Variants in TCF12 observed in about 807,000 individuals in gnomAD.
TCF12 encodes transcription factor 12.
Under a neutral mutation model 86.0 loss-of-function variants are expected in TCF12, and 45 were observed. The observed-to-expected ratio is 0.52, with a 90% CI of 0.41 to 0.67. The LOEUF (loss-of-function observed/expected upper bound fraction) is 0.67, where lower values mean the gene tolerates loss of function less well. TCF12 is among the 30% of genes least tolerant of loss of function. TCF12 has a pLI of 0.00. For synonymous variants in TCF12, 330 were observed against 299.6 expected (o/e 1.10, Z -1.05); for missense variants, 881 against 859.9 (o/e 1.02, Z -0.31).
intron 3 of TCF12, among the ~76,000 whole-genome samples, chr15:56,947,920 G>A (rs2061082105): frequency 6.6e-6 from 1 of 152,176 alleles, no homozygotes; most frequent in Admixed American, 6.5e-5. Context: ...AGAGCTGGGT[G>A]AGAATACAAG....
chr15:56,963,307 C>T (rs1433126594), intron 3 of TCF12, among the ~76,000 whole-genome samples: 12 of 152,238 alleles, frequency 7.9e-5, no homozygotes, highest in African/African-American at 2.9e-4. Flanking sequence ...CATCTGGAAA[C>T]ACACCCTTGA....
intron 4 of TCF12, among the ~76,000 whole-genome samples, chr15:57,089,990 G>C (rs1362173349): frequency 6.6e-6 from 1 of 152,138 alleles, no homozygotes. Context: ...CAAGGCTGGA[G>C]GGTCTCTTGA....
chr15:57,188,270 A>C (rs1281182576), intron 6 of TCF12, among the ~76,000 whole-genome samples: 1 of 152,102 alleles, frequency 6.6e-6, no homozygotes, highest in African/African-American at 2.4e-5. Flanking sequence ...TTTGAACATG[A>C]AATATAAGAC....
chr15:56,925,962 ATTC>A (rs2059993441), intron 3 of TCF12, among the ~76,000 whole-genome samples: 1 of 152,236 alleles, frequency 6.6e-6, no homozygotes, highest in African/African-American at 2.4e-5. Flanking sequence ...TTACCTATGC[ATTC>A]TTCTAGCAGT....
intron 3 of TCF12, among the ~76,000 whole-genome samples, chr15:56,962,556 T>C (rs528115424): frequency 5.7e-4 from 87 of 152,262 alleles, no homozygotes; most frequent in African/African-American, 2.0e-3. Flanking sequence ...AGAAAAAGAC[T>C]AGAATGTAAT....
At chr15:57,037,170 C>T (rs181736687) in intron 3 of TCF12, among the ~76,000 whole-genome samples, 4 of 152,216 alleles carry the variant, frequency 2.6e-5, no homozygotes, top group African/African-American at 7.2e-5. Context: ...ATAAGGGGCT[C>T]GAGCACGGTG....
In TCF12 at chr15:57,009,825, T is replaced by C. The variant is rs2064711466; in HGVS notation, c.149-53925T>C. On this transcript the variant is annotated intron_variant, in intron 3 of 20. Coordinates refer to ENST00000333725, the MANE Select transcript of TCF12 (RefSeq NM_207037.2). ...TCATATACTTAACCCAAGTCGAAGT[T>C]AAACATTTTTCATAGAATTTTCCAC... Among the ~76,000 whole-genome samples the C allele has an allele frequency of 6.6e-5, 10 of 152,320 alleles. No individual in the cohort carries two copies. The South Asian group carries it at 2.1e-3, about 32-fold the overall frequency.
chr15:56,968,172 G>T (rs1293389841), intron 3 of TCF12, among the ~76,000 whole-genome samples: 1 of 152,076 alleles, frequency 6.6e-6, no homozygotes, highest in Non-Finnish European at 1.5e-5. Flanking sequence ...TGCCAGGCTG[G>T]TCTCGAACTC....
intron 5 of TCF12, among the ~76,000 whole-genome samples, chr15:57,104,861 G>GTT (rs11336613): frequency 0.031 from 2,239 of 71,622 alleles, 160 homozygotes; most frequent in African/African-American, 0.043. Context: ...CTTTGGTGGT[G>GTT]TTTTTTTTTT....
chr15:56,921,040 T>G lies in TCF12; in HGVS notation c.90T>G (p.Pro30=), dbSNP rs2059768503. ...TTATTTTGCAGATGTTTTCCCCACC[T>G]GTTAATAGTGGGAAAACTAGACCAA... ...LLDFSAMFSP[P]VNSGKTRPTT... is the part of the protein sequence containing the mutation. Residue 30 remains proline, a synonymous_variant, in exon 3 of 21, where the codon CCT becomes CCG. Coordinates refer to ENST00000333725, the MANE Select transcript of TCF12 (RefSeq NM_207037.2). The G allele has an allele frequency of 6.2e-7, 1 of 1,601,370 alleles. No individual in the cohort carries two copies. The highest frequency in any genetic ancestry group is 8.5e-7 in the Non-Finnish European group (1 of 1,173,212).
At chr15:56,931,166 G>GA (rs11296134) in intron 3 of TCF12, among the ~76,000 whole-genome samples, 2 of 150,966 alleles carry the variant, frequency 1.3e-5, no homozygotes, top group Admixed American at 6.6e-5. Flanking sequence ...TTTAAATACA[G>GA]AAAAAAAAAT....
Position 57,148,165 on chromosome 15 carries a change from T to C in TCF12, c.326-18237T>C, listed in dbSNP as rs2053496684. On this transcript the variant is annotated intron_variant, in intron 5 of 20. Transcript: ENST00000333725. ...TTCCAAAGTGCTGGGATTACAGGTG[T>C]GAGCCACTTTACCAGGTCGATTTTT... 2.0e-5 allele frequency among the ~76,000 whole-genome samples: 3 copies of C among 151,878 alleles called. No individual in the cohort carries two copies. In the South Asian group the frequency reaches 6.2e-4, roughly 31 times the overall value.
chr15:57,206,605 T>TC (rs1555394934), intron 8 of TCF12, among the ~76,000 whole-genome samples: 14 of 117,330 alleles, frequency 1.2e-4, no homozygotes, highest in South Asian at 1.2e-3. Flanking sequence ...TTTTTTTTTT[T>TC]CTGAGACAGT....
chr15:57,190,511 A>G (rs2151701543), intron 6 of TCF12, among the ~76,000 whole-genome samples: 1 of 152,250 alleles, frequency 6.6e-6, no homozygotes, highest in South Asian at 2.1e-4. Context: ...GAGGAATCAC[A>G]GTTCTTTTCA....
chr15:56,993,219 G>A (rs2063538826), intron 3 of TCF12, among the ~76,000 whole-genome samples: 1 of 152,080 alleles, frequency 6.6e-6, no homozygotes, highest in Admixed American at 6.5e-5. Context: ...AAAGATAACT[G>A]CTAAGTTCAG....
At chr15:56,974,497 G>A (rs1357599693) in intron 3 of TCF12, among the ~76,000 whole-genome samples, 1 of 152,064 alleles carries the variant, frequency 6.6e-6, no homozygotes, top group Non-Finnish European at 1.5e-5. Context: ...TTTACAGAAG[G>A]TTTAATGAAA....
chr15:56,988,427 ATGT>A (rs1188628910), intron 3 of TCF12, among the ~76,000 whole-genome samples: 2 of 152,200 alleles, frequency 1.3e-5, no homozygotes, highest in African/African-American at 2.4e-5. Context: ...TACAATAAAA[ATGT>A]TGTTGTAATC....
chr15:57,247,334 C>A (rs182727236), intron 13 of TCF12: 2 of 655,890 alleles, frequency 3.0e-6, no homozygotes, highest in African/African-American at 1.8e-5. Context: ...ATCAGAGTTT[C>A]CACCACAGCC....
chr15:57,011,340 C>T (rs2064817502), intron 3 of TCF12, among the ~76,000 whole-genome samples: 1 of 151,816 alleles, frequency 6.6e-6, no homozygotes, highest in Non-Finnish European at 1.5e-5. Flanking sequence ...GTCAGGGATC[C>T]ACCCCCTCTT....
Sources: allele counts gnomAD v4.1 joint callset (sites outside exome capture counted in the v4.1 genomes callset), GRCh38; gene constraint gnomAD v4.1.1; transcripts MANE v1.5; gene names NCBI Gene and HGNC (gene_info 2026-07-23, HGNC 2026-07-21).